Variants in ARFGEF2 observed in about 807,000 individuals in gnomAD.
The protein encoded by ARFGEF2 is brefeldin A-inhibited guanine nucleotide-exchange protein 2.
In ARFGEF2, 74 loss-of-function variants were observed where a neutral mutation model predicts 219.9. The observed-to-expected ratio is 0.34, with a 90% CI of 0.28 to 0.41. The LOEUF is 0.41. ARFGEF2 is among the 10% of genes least tolerant of loss of function. ARFGEF2 has a pLI of 1.00. For synonymous variants in ARFGEF2, 733 were observed against 799.2 expected, an observed-to-expected ratio of 0.92 and a Z score of 1.40; for missense variants, 1,743 against 2,218.3, an observed-to-expected ratio of 0.79 and a Z score of 4.30.
chr20:49,019,120 C>G (rs192082343), intron 34 of ARFGEF2, 122 bp downstream of exon 34: 2 of 805,104 alleles, frequency 2.5e-6, no homozygotes, highest in Admixed American at 4.3e-5. Flanking sequence ...TCTGCCAGTT[C>G]TCTGTAGCAG....
At chr20:48,974,960 T>TCTA in intron 13 of ARFGEF2, 86 bp downstream of exon 13, 1 of 1,204,888 alleles carries the variant, frequency 8.3e-7, no homozygotes, top group Non-Finnish European at 1.2e-6. Flanking sequence ...ATAGTTGTCT[T>TCTA]AGAATTGAAA....
chr20:48,965,999 G>T lies in ARFGEF2; in HGVS notation c.1035G>T (p.Gln345His). 1 of 1,614,122 alleles carries T rather than the reference G, an allele frequency of 6.2e-7. No homozygotes were observed. The highest frequency in any genetic ancestry group is 8.5e-7 in the Non-Finnish European group (1 of 1,179,958). The stretch of plus-strand genomic sequence containing the variant: ...CCAACGGGATAGCCGATGACAGGCA[G>T]TCCTTGTCGTCAGCAGATAATCTGG... ...SQTNGIADDR[Q>H]SLSSADNLES... The change falls in exon 8 of 39, where the codon CAG becomes CAT. Residue 345 changes from glutamine (Q) to histidine (H), a missense_variant. Gln to His is a conservative substitution (Grantham distance 24). This residue lies in a region of ARFGEF2 where 394 missense variants were observed against 426.6 expected (regional missense o/e 0.92). Transcript: ENST00000371917.
At chr20:49,023,206 A>G (rs2091576957) in intron 35 of ARFGEF2, 25 bp downstream of exon 35, 2 of 1,613,698 alleles carry the variant, frequency 1.2e-6, no homozygotes, top group African/African-American at 2.7e-5. Context: ...CCTCAGGAAG[A>G]GCATCCCTGT....
chr20:48,925,515 A>G (rs569517720), intron 1 of ARFGEF2, among the ~76,000 whole-genome samples: 1 of 152,306 alleles, frequency 6.6e-6, no homozygotes, highest in South Asian at 2.1e-4. Context: ...GCTTAATAGG[A>G]TAATCTATTT....
At chr20:49,020,726 G>A (rs1377576203) in intron 34 of ARFGEF2, among the ~76,000 whole-genome samples, 2 of 152,152 alleles carry the variant, frequency 1.3e-5, no homozygotes, top group South Asian at 2.1e-4. Flanking sequence ...GATTACATGC[G>A]TGAGCCACCA....
At chr20:48,996,159 G>A (rs2091385013) in intron 23 of ARFGEF2, among the ~76,000 whole-genome samples, 1 of 152,122 alleles carries the variant, frequency 6.6e-6, no homozygotes, top group Non-Finnish European at 1.5e-5. Context: ...AAAATCACAA[G>A]AAGAGTTTAG....
intron 14 of ARFGEF2, 37 bp downstream of exon 14, chr20:48,976,236 C>G (rs368381294): frequency 1.2e-6 from 2 of 1,610,166 alleles, no homozygotes; most frequent in Non-Finnish European, 1.7e-6. Flanking sequence ...GGGATTCTAG[C>G]AAAGCCATAT....
intron 18 of ARFGEF2, 152 bp downstream of exon 18, chr20:48,988,814 T>C: frequency 1.3e-6 from 1 of 770,454 alleles, no homozygotes; most frequent in East Asian, 2.7e-5. Context: ...ATGTTGGGAC[T>C]TTTATAATGT....
At position 48,989,594 on chromosome 20, in the gene ARFGEF2, A is replaced by G. The variant is rs201931311; in HGVS notation, c.2724A>G (p.Gly908=). The change falls in exon 20 of 39, where the codon GGA becomes GGG. Residue 908 remains glycine, a synonymous_variant. Transcript: ENST00000371917. The part of the protein sequence containing the change: ...WTPLLAAYSI[G]LQNCDDTEVA... Reference sequence around the variant, plus strand: ...CACTATTGGCAGCCTACAGCATCGGACTCCAGAACTGTGATGACACTGAAG... The same window carrying G: ...CACTATTGGCAGCCTACAGCATCGGGCTCCAGAACTGTGATGACACTGAAG... 30 of 1,614,078 alleles carry G rather than the reference A, an allele frequency of 1.9e-5. No homozygotes were observed. The highest frequency in any genetic ancestry group is 2.5e-5 in the Non-Finnish European group (29 of 1,180,020).
chr20:48,999,294 G>A (rs1309047282), intron 25 of ARFGEF2: 1 of 437,682 alleles, frequency 2.3e-6, no homozygotes, highest in Non-Finnish European at 4.5e-6. Context: ...ACCCATCTGG[G>A]TTCTAAAACT....
chr20:48,954,047 G>C (rs1386814908), intron 6 of ARFGEF2, among the ~76,000 whole-genome samples: 1 of 152,224 alleles, frequency 6.6e-6, no homozygotes, highest in Non-Finnish European at 1.5e-5. Context: ...GTCAGCCTCA[G>C]TGCAACAGGT....
intron 16 of ARFGEF2, among the ~76,000 whole-genome samples, chr20:48,986,883 T>C (rs1216527572): frequency 6.6e-6 from 1 of 152,108 alleles, no homozygotes; most frequent in Non-Finnish European, 1.5e-5. Flanking sequence ...GTATAATATT[T>C]CTGCAGAGAT....
chr20:48,923,680 C>CTT (rs1360741252), intron 1 of ARFGEF2, among the ~76,000 whole-genome samples: 1 of 152,224 alleles, frequency 6.6e-6, no homozygotes. Context: ...TGCCTGGACT[C>CTT]TATCTTCTCG....
At chr20:49,017,637 T>A (rs2091539298) in intron 33 of ARFGEF2, 87 bp downstream of exon 33, 2 of 1,335,614 alleles carry the variant, frequency 1.5e-6, no homozygotes, top group African/African-American at 2.9e-5. Flanking sequence ...GTACTTTTTT[T>A]AATGGGAAGT....
chr20:48,986,807 C>A (rs1275828343), intron 16 of ARFGEF2, among the ~76,000 whole-genome samples: 2 of 152,104 alleles, frequency 1.3e-5, no homozygotes, highest in Admixed American at 1.3e-4. Context: ...TCAATCAGTC[C>A]TCCCACCTCA....
Position 48,972,381 on chromosome 20 carries a change from A to G in ARFGEF2, c.1481A>G (p.Glu494Gly), listed in dbSNP as rs1197415440. 9.3e-6 allele frequency: 15 copies of G among 1,614,138 alleles called. No homozygotes were observed. The highest frequency in any genetic ancestry group is 1.3e-5 in the Non-Finnish European group (15 of 1,179,994). ...NILETSTSSF[E>G]HRWMVIQTLT... ...TTAGAAACATCAACAAGTTCTTTTG[A>G]GCACAGGTGGATGGTCATTCAGACT... Residue 494 changes from glutamate to glycine, a missense_variant, in exon 11 of 39, where the codon GAG becomes GGG. Glu to Gly is a moderately conservative substitution (Grantham distance 98, BLOSUM62 -2). Around this residue, in one of 5 missense-constraint regions of ARFGEF2, gnomAD observed 666 missense variants for 955.4 expected, o/e 0.70. Coordinates refer to ENST00000371917, the MANE Select transcript of ARFGEF2 (RefSeq NM_006420.3).
intron 28 of ARFGEF2, 89 bp from the exon 29 acceptor site, chr20:49,013,475 G>T (rs1316595128): frequency 6.5e-7 from 1 of 1,549,704 alleles, no homozygotes; most frequent in African/African-American, 1.4e-5. Flanking sequence ...AGAGAAAAAT[G>T]TGTGGGGCCT....
In ARFGEF2 at chr20:49,016,386, T is replaced by G. The variant is rs1224155930; in HGVS notation, c.4286T>G (p.Phe1429Cys). ...AATGAAGTTCTTCTTTCTGATGTAT[T>G]TGCACAATTGCAGTGGTGTGTCAAA... Reference protein sequence around the residue: ...ALNEVLLSDVFAQLQWCVKQD... With the variant: ...ALNEVLLSDVCAQLQWCVKQD... The change falls in exon 31 of 39, where the codon TTT becomes TGT. Residue 1429 changes from phenylalanine to cysteine, a missense_variant. Physicochemically the swap from Phe to Cys is radical, Grantham distance 205. Coordinates refer to ENST00000371917, the MANE Select transcript of ARFGEF2 (RefSeq NM_006420.3). The G allele has an allele frequency of 5.8e-5, 93 of 1,613,608 alleles. No individual in the cohort carries two copies. The highest frequency in any genetic ancestry group is 7.8e-5 in the Non-Finnish European group (92 of 1,179,962).
chr20:48,933,701 A>T (rs553181786), intron 1 of ARFGEF2, among the ~76,000 whole-genome samples: 1 of 152,198 alleles, frequency 6.6e-6, no homozygotes, highest in South Asian at 2.1e-4. Context: ...CGCCTTAGTC[A>T]CCACCAAGAC....
Sources: gnomAD v4.1 joint callset for allele counts (sites outside exome capture counted in the v4.1 genomes callset) on GRCh38, gnomAD v4.1.1 for gene constraint, gnomAD v4.1.1 regional missense constraint, MANE v1.5 for transcripts, NCBI Gene and HGNC (gene_info 2026-07-23, HGNC 2026-07-21) for gene names.